Variants in KAZN observed in about 807,000 individuals in gnomAD.
KAZN encodes the protein kazrin.
A neutral mutation model predicts 87.4 loss-of-function variants in KAZN; 40 were observed. That is an observed-to-expected ratio of 0.46 (90% CI 0.36 to 0.60). The LOEUF (loss-of-function observed/expected upper bound fraction) is 0.60, where lower values mean the gene tolerates loss of function less well. KAZN is among the 20% of genes least tolerant of loss of function. KAZN has a pLI of 0.00. For missense variants in KAZN, 898 were observed against 1,073.9 expected (o/e 0.84, Z 2.29); for synonymous variants, 466 against 458.3 (o/e 1.02, Z -0.22).
chr1:14,714,269 A>G (rs909784898), intron 1 of KAZN, among the ~76,000 whole-genome samples: 1 of 152,174 alleles, frequency 6.6e-6, no homozygotes. Flanking sequence ...CCTTCTCAAG[A>G]GGCATCTGAT....
At position 13,954,091 on chromosome 1, in the gene KAZN, A is replaced by G. The variant is rs544542733; in HGVS notation, c.91+60335A>G. Among the ~76,000 whole-genome samples the G allele has an allele frequency of 4.3e-4, 65 of 152,184 alleles. 2 individuals carry two copies. Among genetic ancestry groups the G allele is most frequent in the Admixed American group, 3.3e-4 (5 of 15,286 alleles). On this transcript the variant is annotated intron_variant, in intron 1 of 16. Transcript: ENST00000636203. ...AGATGAATGAGTGGCTGAGCAATAC[A>G]CGAACAACAAAAACTGCAGTTTAAA...
intron 1 of KAZN, among the ~76,000 whole-genome samples, chr1:14,005,029 A>G (rs1221200872): frequency 6.6e-6 from 1 of 152,140 alleles, no homozygotes; most frequent in Non-Finnish European, 1.5e-5. Flanking sequence ...TCCGCTTTAG[A>G]CTTTCCAGCC....
intron 2 of KAZN, among the ~76,000 whole-genome samples, chr1:14,414,265 T>C (rs976390562): frequency 2.1e-5 from 3 of 143,856 alleles, no homozygotes; most frequent in Non-Finnish European, 4.5e-5. Context: ...TTTCTAAGAA[T>C]ATACGGAAAA....
At chr1:13,999,367 CAAA>C (rs146223464) in intron 1 of KAZN, among the ~76,000 whole-genome samples, 14 of 141,132 alleles carry the variant, frequency 9.9e-5, no homozygotes, top group Non-Finnish European at 2.1e-4. Context: ...AAACAAAAAA[CAAA>C]AAACAAAAAA....
chr1:14,009,100 A>T (rs909150439), intron 1 of KAZN, among the ~76,000 whole-genome samples: 1 of 152,232 alleles, frequency 6.6e-6, no homozygotes, highest in African/African-American at 2.4e-5. Flanking sequence ...ACTTAGCATA[A>T]TGAGCTCAAT....
intron 2 of KAZN, among the ~76,000 whole-genome samples, chr1:14,428,032 AG>A (rs1327975374): frequency 6.6e-6 from 1 of 152,206 alleles, no homozygotes; most frequent in East Asian, 1.9e-4. Flanking sequence ...AGTCTGAATG[AG>A]GGCCCTGGCA....
At chr1:14,082,551 A>G (rs770454112) in intron 1 of KAZN, among the ~76,000 whole-genome samples, 91 of 152,264 alleles carry the variant, frequency 6.0e-4, no homozygotes, top group Non-Finnish European at 1.1e-3. Context: ...TGTTCTGGGC[A>G]TCTGATCAAG....
At chr1:14,475,840 G>T (rs1436245270) in intron 2 of KAZN, among the ~76,000 whole-genome samples, 1 of 150,572 alleles carries the variant, frequency 6.6e-6, no homozygotes, top group Non-Finnish European at 1.5e-5. Context: ...AATTTTGTGG[G>T]ATTTTTTTTT....
chr1:14,173,487 G>A (rs1010376030), intron 1 of KAZN, among the ~76,000 whole-genome samples: 2 of 152,084 alleles, frequency 1.3e-5, no homozygotes, highest in African/African-American at 4.8e-5. Flanking sequence ...CTGCTCCACA[G>A]TCCTACCAGT....
intron 2 of KAZN, among the ~76,000 whole-genome samples, chr1:14,995,535 A>G (rs1257670743): frequency 4.6e-5 from 7 of 152,146 alleles, no homozygotes; most frequent in Non-Finnish European, 8.8e-5. Context: ...AGGCAGGAGA[A>G]TCGTTTGAAA....
intron 1 of KAZN, among the ~76,000 whole-genome samples, chr1:14,693,721 G>A (rs1258515769): frequency 6.6e-6 from 1 of 152,180 alleles, no homozygotes; most frequent in East Asian, 1.9e-4. Context: ...TTTAGTTTCA[G>A]AGGCACCCGT....
intron 2 of KAZN, among the ~76,000 whole-genome samples, chr1:15,003,491 G>A (rs10754876): frequency 0.5 from 75,748 of 152,044 alleles, 21,600 homozygotes; most frequent in African/African-American, 0.79. Context: ...TCCCATACCA[G>A]TGATATCTCA....
intron 2 of KAZN, among the ~76,000 whole-genome samples, chr1:14,273,718 A>C (rs1274811470): frequency 6.6e-6 from 1 of 152,194 alleles, no homozygotes; most frequent in Non-Finnish European, 1.5e-5. Flanking sequence ...TCCTTCTTTG[A>C]GTCATCTCAA....
At chr1:14,726,390 C>A (rs1353587705) in intron 1 of KAZN, among the ~76,000 whole-genome samples, 1 of 152,186 alleles carries the variant, frequency 6.6e-6, no homozygotes, top group African/African-American at 2.4e-5. Flanking sequence ...CAGAAGGAAG[C>A]GTCCCCTGGG....
intron 1 of KAZN, among the ~76,000 whole-genome samples, chr1:14,753,022 G>A (rs914167294): frequency 1.3e-5 from 2 of 152,132 alleles, no homozygotes; most frequent in Non-Finnish European, 2.9e-5. Context: ...AAATACTGAA[G>A]AGTGCATTGG....
chr1:14,898,331 C>A (rs1468728866), intron 1 of KAZN, among the ~76,000 whole-genome samples: 2 of 152,176 alleles, frequency 1.3e-5, no homozygotes, highest in Non-Finnish European at 1.5e-5. Context: ...AACTGTCAAA[C>A]TCTGGAACAC....
intron 1 of KAZN, among the ~76,000 whole-genome samples, chr1:13,999,183 G>A (rs1557772997): frequency 1.3e-5 from 2 of 151,850 alleles, no homozygotes; most frequent in Non-Finnish European, 2.9e-5. Flanking sequence ...CTCCATCTCT[G>A]CTAAAAATAG....
intron 2 of KAZN, among the ~76,000 whole-genome samples, chr1:14,231,059 T>C (rs1425875584): frequency 1.3e-5 from 2 of 152,182 alleles, no homozygotes; most frequent in African/African-American, 4.8e-5. Flanking sequence ...TGGTGCCTAC[T>C]ATACAGTAAG....
chr1:14,003,960 C>T (rs1017480336), intron 1 of KAZN, among the ~76,000 whole-genome samples: 6 of 152,126 alleles, frequency 3.9e-5, no homozygotes, highest in Non-Finnish European at 7.4e-5. Flanking sequence ...TGGAAAAAGA[C>T]ATTTGCAATA....
Sources: allele counts gnomAD v4.1 joint callset (sites outside exome capture counted in the v4.1 genomes callset), GRCh38; gene constraint gnomAD v4.1.1; transcripts MANE v1.5; gene names NCBI Gene and HGNC (gene_info 2026-07-23, HGNC 2026-07-21).